The following YARS1 variants were observed in gnomAD, a reference collection of about 807,000 sequenced individuals.
The protein encoded by YARS1 is tyrosine--tRNA ligase, cytoplasmic.
Under a neutral mutation model 62.2 loss-of-function variants are expected in YARS1, and 36 were observed. That is an observed-to-expected ratio of 0.58 (90% CI 0.44 to 0.76). The LOEUF is 0.76. Among genes scored for constraint, YARS1 ranks in the 30% least tolerant of loss-of-function variants. The pLI, the probability that YARS1 is intolerant of heterozygous loss-of-function variation, is 0.00. For missense variants in YARS1, 524 were observed against 639.8 expected, an observed-to-expected ratio of 0.82 and a Z score of 1.95; for synonymous variants, 234 against 244.9, an observed-to-expected ratio of 0.96 and a Z score of 0.42.
chr1:32,787,171 C>T, intron 6 of YARS1, 96 bp from the exon 7 acceptor site: 2 of 1,478,148 alleles, frequency 1.4e-6, no homozygotes, highest in South Asian at 2.4e-5. Context: ...TCTCTGTCAC[C>T]CAGGCTGGAG....
chr1:32,798,147 C>T lies in YARS1; in HGVS notation c.511-304G>A, dbSNP rs1348636423. On this transcript the variant is annotated intron_variant, in intron 4 of 12. Coordinates refer to ENST00000373477, the MANE Select transcript of YARS1 (RefSeq NM_003680.4). The stretch of plus-strand genomic sequence containing the variant: ...TTGGCCTCCCAAAGTGCTGGGATTA[C>T]AGGCGAGAGCCACCATGCCCAGCCT... 12 of 380,170 alleles carry T rather than the reference C, an allele frequency of 3.2e-5. No homozygotes were observed. The East Asian group carries it at 4.4e-4, about 14-fold the overall frequency. 23.5% of individuals were successfully genotyped at this position (380,170 alleles called of 1,614,324 possible). A position where few individuals can be genotyped will look rare whatever the true frequency, so the allele number is the denominator to read the frequency against.
chr1:32,781,388 C>T (rs929732674), intron 9 of YARS1: 4 of 522,144 alleles, frequency 7.7e-6, no homozygotes, highest in Non-Finnish European at 1.4e-5. Context: ...AGCTTTGCCT[C>T]CTTTAGGTAT....
chr1:32,795,244 G>A (rs1487754918), intron 5 of YARS1, among the ~76,000 whole-genome samples: 2 of 151,264 alleles, frequency 1.3e-5, no homozygotes, highest in South Asian at 2.1e-4. Flanking sequence ...GCGTGAACCC[G>A]GGAGGTGGAG....
chr1:32,817,279 G>A lies in YARS1; in HGVS notation c.-35C>T, dbSNP rs1289787223. On this transcript the variant is annotated 5_prime_UTR_variant, in exon 1 of 13. Coordinates refer to ENST00000373477, the MANE Select transcript of YARS1 (RefSeq NM_003680.4). ...ACCCCTGCTTCCCCCGCTCAGCCCG[G>A]CACCAGAGCCCCTTCCTGGGTCACC... 1 of 1,612,830 alleles carries A rather than the reference G, an allele frequency of 6.2e-7. No individual in the cohort carries two copies. The highest frequency in any genetic ancestry group is 1.7e-5 in the Admixed American group (1 of 60,024).
intron 1 of YARS1, among the ~76,000 whole-genome samples, chr1:32,816,474 T>C (rs1005613955): frequency 1.2e-4 from 19 of 152,234 alleles, no homozygotes; most frequent in African/African-American, 4.6e-4. Context: ...TCGGAAATCA[T>C]GCGTCGCTGA....
chr1:32,781,112 T>A lies in YARS1; in HGVS notation c.1076A>T (p.Glu359Val), dbSNP rs1653041149. The A allele has an allele frequency of 6.2e-7, 1 of 1,614,090 alleles. No individual in the cohort carries two copies. The highest frequency in any genetic ancestry group is 8.5e-7 in the Non-Finnish European group (1 of 1,180,054). ...PMAKGPAKNSEPEEVIPSRLD... is the reference protein window; with the variant it reads ...PMAKGPAKNSVPEEVIPSRLD... ...CCGGGATGGGATGACCTCCTCTGGT[T>A]CTGAATTCTTGGCAGGGCCTTTGGC... is the stretch of plus-strand genomic sequence containing the variant. The change falls in exon 10 of 13, where the codon GAA becomes GTA. Residue 359 changes from glutamate to valine, a missense_variant. Physicochemically the swap from Glu to Val is moderately radical, Grantham distance 121. Coordinates refer to ENST00000373477, the MANE Select transcript of YARS1 (RefSeq NM_003680.4).
chr1:32,786,497 C>T (rs1317205916), intron 7 of YARS1, 50 bp from the exon 8 acceptor site: 1 of 1,416,420 alleles, frequency 7.1e-7, no homozygotes, highest in Admixed American at 1.8e-5. Flanking sequence ...GCATTCCTAG[C>T]TCACATGCAT....
chr1:32,817,257 C>T lies in YARS1; in HGVS notation c.-13G>A. 1.2e-6 allele frequency: 2 copies of T among 1,613,922 alleles called. No individual in the cohort carries two copies. Among genetic ancestry groups the T allele is most frequent in the African/African-American group, 2.7e-5 (2 of 75,060 alleles). On this transcript the variant is annotated 5_prime_UTR_variant, in exon 1 of 13. Coordinates refer to ENST00000373477, the MANE Select transcript of YARS1 (RefSeq NM_003680.4). ...GAGCGTCCCCCATGGCTCCGCTACCCCTGCTTCCCCCGCTCAGCCCGGCAC... is the reference window on the plus strand; with the variant it reads ...GAGCGTCCCCCATGGCTCCGCTACCTCTGCTTCCCCCGCTCAGCCCGGCAC...
At chr1:32,811,261 C>G in intron 1 of YARS1, 4 of 777,124 alleles carry the variant, frequency 5.1e-6, no homozygotes. Context: ...GAGAGCCAGA[C>G]AAACTCCATT....
At chr1:32,809,663 C>T (rs550218801) in intron 3 of YARS1, among the ~76,000 whole-genome samples, 2 of 152,300 alleles carry the variant, frequency 1.3e-5, no homozygotes, top group South Asian at 4.1e-4. Context: ...GACTCATCTA[C>T]TTACTAGATG....
At chr1:32,780,851 G>T (rs1409257893) in intron 10 of YARS1, 197 bp downstream of exon 10, 4 of 639,158 alleles carry the variant, frequency 6.3e-6, no homozygotes, top group Non-Finnish European at 8.5e-6. Flanking sequence ...CTGAGTTCCT[G>T]GCTGTGTTTG....
At chr1:32,791,758 T>TG (rs1653419372) in intron 5 of YARS1, among the ~76,000 whole-genome samples, 2 of 152,148 alleles carry the variant, frequency 1.3e-5, no homozygotes, top group South Asian at 4.2e-4. Flanking sequence ...GCCAAGATCG[T>TG]GCCATTGCAC....
intron 5 of YARS1, among the ~76,000 whole-genome samples, chr1:32,791,842 C>G (rs1308677876): frequency 6.6e-6 from 1 of 151,904 alleles, no homozygotes; most frequent in Non-Finnish European, 1.5e-5. Flanking sequence ...AAAAACAAAA[C>G]AAAACCCAAC....
intron 1 of YARS1, among the ~76,000 whole-genome samples, chr1:32,813,684 AAC>A (rs1427457094): frequency 6.6e-6 from 1 of 152,128 alleles, no homozygotes; most frequent in African/African-American, 2.4e-5. Flanking sequence ...AATTTCTTGT[AAC>A]AGTTGTCTCT....
intron 1 of YARS1, among the ~76,000 whole-genome samples, chr1:32,813,907 T>G (rs1275645296): frequency 6.6e-6 from 1 of 152,072 alleles, no homozygotes; most frequent in Admixed American, 6.6e-5. Flanking sequence ...GTTTTCCTCG[T>G]CTCTGCCTGC....
At chr1:32,799,230 C>T (rs1054022477) in intron 4 of YARS1, among the ~76,000 whole-genome samples, 11 of 152,038 alleles carry the variant, frequency 7.2e-5, no homozygotes, top group African/African-American at 9.7e-5. Context: ...TGCAAAAGTA[C>T]GAACTTCAAG....
intron 11 of YARS1, 147 bp downstream of exon 11, chr1:32,779,938 C>A (rs760745482): frequency 1.1e-6 from 1 of 894,140 alleles, no homozygotes; most frequent in East Asian, 2.4e-5. Flanking sequence ...ACGATAAGTC[C>A]TTCATGCATC....
At chr1:32,814,113 C>A (rs983120221) in intron 1 of YARS1, among the ~76,000 whole-genome samples, 4 of 152,138 alleles carry the variant, frequency 2.6e-5, no homozygotes, top group African/African-American at 9.7e-5. Context: ...TGTTATCAAC[C>A]CAATCATTCA....
At chr1:32,777,818 T>C (rs911945804) in intron 12 of YARS1, among the ~76,000 whole-genome samples, 1 of 152,094 alleles carries the variant, frequency 6.6e-6, no homozygotes, top group African/African-American at 2.4e-5. Context: ...ATCAACAGCA[T>C]TTAGTATGAC....
Sources: allele counts gnomAD v4.1 joint callset (sites outside exome capture counted in the v4.1 genomes callset), GRCh38; gene constraint gnomAD v4.1.1; transcripts MANE v1.5; gene names NCBI Gene and HGNC (gene_info 2026-07-23, HGNC 2026-07-21).